Variants in SMG6 observed in about 807,000 individuals in gnomAD.
The protein encoded by SMG6 is SMG6 nonsense mediated mRNA decay factor.
In SMG6, 66 loss-of-function variants were observed where a neutral mutation model predicts 142.2. That is an observed-to-expected ratio of 0.46 (90% CI 0.38 to 0.57). The LOEUF is 0.57. SMG6 is among the 20% of genes least tolerant of loss of function. The pLI, the probability that SMG6 is intolerant of heterozygous loss-of-function variation, is 0.00. For synonymous variants in SMG6, 779 were observed against 702.4 expected (o/e 1.11, Z -1.72); for missense variants, 1,793 against 1,832.0 (o/e 0.98, Z 0.39).
At position 2,081,940 on chromosome 17, in the gene SMG6, A is replaced by G. The variant is rs1206430781; in HGVS notation, c.3551T>C (p.Ile1184Thr). ...RLEDEEEDVV[I>T]EDFEEDSEAE... Reference sequence around the variant, plus strand: ...CTCTGAATCTTCCTCAAAGTCTTCAATCACCACATCCTCCTCCTTTGGGTG... The same window carrying G: ...CTCTGAATCTTCCTCAAAGTCTTCAGTCACCACATCCTCCTCCTTTGGGTG... The change falls in exon 15 of 19, where the codon ATT (isoleucine) becomes ACT (threonine). Residue 1184 changes from isoleucine to threonine, a missense_variant. Ile to Thr is a moderately conservative substitution (Grantham distance 89). This residue lies in a region of SMG6 where 1,597 missense variants were observed against 1,584.6 expected (regional missense o/e 1.01). Coordinates refer to ENST00000263073, the MANE Select transcript of SMG6 (RefSeq NM_017575.5). 8.1e-6 allele frequency: 13 copies of G among 1,614,044 alleles called. No homozygotes were observed. Among genetic ancestry groups the G allele is most frequent in the African/African-American group, 1.3e-5 (1 of 74,948 alleles).
chr17:2,091,805 G>A (rs1213728921), intron 13 of SMG6, among the ~76,000 whole-genome samples: 1 of 151,368 alleles, frequency 6.6e-6, no homozygotes, highest in Admixed American at 6.6e-5. Context: ...CGAGTAGCTG[G>A]GACTACAGGC....
chr17:2,115,734 G>C (rs2069484892), intron 13 of SMG6, among the ~76,000 whole-genome samples: 1 of 151,934 alleles, frequency 6.6e-6, no homozygotes, highest in South Asian at 2.1e-4. Context: ...TTTTGCGGGG[G>C]AGGTGGGAAG....
rs569935801 is a variant in SMG6 at position 2,177,267 on chromosome 17, G to A, written c.3156-4408C>T. ...TCTGACAGATTAAGGTATGCCAGGT[G>A]AGACACGTCACACCACAATAATCTA... is the stretch of plus-strand genomic sequence containing the variant. On this transcript the variant is annotated intron_variant, in intron 12 of 18. Transcript: ENST00000263073. 3.9e-5 allele frequency among the ~76,000 whole-genome samples: 6 copies of A among 152,280 alleles called. No homozygotes were observed. In the South Asian group the frequency reaches 1.2e-3, roughly 32 times the overall value.
At chr17:2,130,730 C>G (rs759683774) in intron 13 of SMG6, among the ~76,000 whole-genome samples, 1 of 150,538 alleles carries the variant, frequency 6.6e-6, no homozygotes. Context: ...ATATTTTAAC[C>G]TAACAATCAA....
Position 2,162,371 on chromosome 17 carries a change from A to C in SMG6, c.3357+10287T>G, listed in dbSNP as rs1339703704. 2.6e-5 allele frequency among the ~76,000 whole-genome samples: 4 copies of C among 152,016 alleles called. No homozygotes were observed. The East Asian group carries it at 7.7e-4, about 29-fold the overall frequency. ...ACTAAAAATATAAAAAAAATTAGCCAGGCGTGGTGGTGGGCGCCTATAGTC... is the reference window on the plus strand; with the variant it reads ...ACTAAAAATATAAAAAAAATTAGCCCGGCGTGGTGGTGGGCGCCTATAGTC... On this transcript the variant is annotated intron_variant, in intron 13 of 18. Transcript: ENST00000263073.
chr17:2,182,417 T>C (rs1206143061), intron 12 of SMG6, among the ~76,000 whole-genome samples: 1 of 152,082 alleles, frequency 6.6e-6, no homozygotes, highest in Non-Finnish European at 1.5e-5. Context: ...AACTGTCCGA[T>C]GCTGTGAGTG....
intron 8 of SMG6, among the ~76,000 whole-genome samples, 200 bp downstream of exon 8, chr17:2,282,447 G>A (rs2074809206): frequency 6.7e-6 from 1 of 149,382 alleles, no homozygotes; most frequent in Non-Finnish European, 1.5e-5. Context: ...ATTCTGCAGT[G>A]ACACATAGTG....
intron 13 of SMG6, among the ~76,000 whole-genome samples, chr17:2,108,304 C>T (rs755230113): frequency 6.6e-6 from 1 of 152,196 alleles, no homozygotes; most frequent in Admixed American, 6.5e-5. Context: ...ACTATGAAAA[C>T]ACATATTGAA....
chr17:2,156,936 G>C (rs1283958850), intron 13 of SMG6, among the ~76,000 whole-genome samples: 2 of 152,144 alleles, frequency 1.3e-5, no homozygotes, highest in Non-Finnish European at 2.9e-5. Context: ...TACAGGCATG[G>C]TGTCACCGGG....
At chr17:2,121,587 C>CTGTGTGTGTGTGTGTGTGTG (rs71150850) in intron 13 of SMG6, among the ~76,000 whole-genome samples, 26 of 139,870 alleles carry the variant, frequency 1.9e-4, no homozygotes, top group African/African-American at 5.8e-4. Flanking sequence ...ACATGTCTGT[C>CTGTGTGTGTGTGTGTGTGTG]TGTGTGTGTG....
At chr17:2,199,712 C>CCACGG (rs2072453417) in intron 10 of SMG6, 1 of 151,620 alleles carries the variant, frequency 6.6e-6, no homozygotes, top group Non-Finnish European at 1.5e-5. Flanking sequence ...CGAGACCAGC[C>CCACGG]TGTGGGCCAC....
intron 13 of SMG6, among the ~76,000 whole-genome samples, chr17:2,139,143 A>G (rs2070393852): frequency 6.6e-6 from 1 of 152,204 alleles, no homozygotes; most frequent in African/African-American, 2.4e-5. Context: ...GTTAAACCCT[A>G]AAAAAGGGAG....
At chr17:2,277,898 A>T (rs973222334) in intron 8 of SMG6, among the ~76,000 whole-genome samples, 1 of 152,126 alleles carries the variant, frequency 6.6e-6, no homozygotes, top group African/African-American at 2.4e-5. Context: ...TTCTTAAAAA[A>T]TTAGCCAGGC....
intron 12 of SMG6, among the ~76,000 whole-genome samples, chr17:2,174,763 C>T (rs928973619): frequency 2.0e-5 from 3 of 152,076 alleles, no homozygotes; most frequent in African/African-American, 7.2e-5. Context: ...GTTTGGCTGT[C>T]AGAAATGTTT....
Position 2,283,653 on chromosome 17 carries a change from A to G in SMG6, c.2420T>C (p.Met807Thr), listed in dbSNP as rs372239404. Residue 807 changes from methionine (M) to threonine (T), a missense_variant, in exon 7 of 19, where the codon ATG becomes ACG. By Grantham distance (81) the Met-to-Thr change is moderately conservative. Transcript: ENST00000263073. ...CCGCTTGGTCTCTTCAAACAAGCTC[A>G]TGAGACTCTCCTTGGCAGTCAGGAT... ...NPILTAKESL[M>T]SLFEETKRKA... 5.3e-5 allele frequency: 86 copies of G among 1,614,186 alleles called. No homozygotes were observed. Among genetic ancestry groups the G allele is most frequent in the East Asian group, 4.2e-4 (19 of 44,872 alleles).
intron 10 of SMG6, among the ~76,000 whole-genome samples, chr17:2,204,010 C>A (rs2072607864): frequency 6.6e-6 from 1 of 152,062 alleles, no homozygotes; most frequent in Admixed American, 6.6e-5. Flanking sequence ...GTTGCCCAGG[C>A]TGGAGTTGAG....
At chr17:2,137,410 T>C (rs1337664322) in intron 13 of SMG6, among the ~76,000 whole-genome samples, 2 of 151,972 alleles carry the variant, frequency 1.3e-5, no homozygotes, top group African/African-American at 4.8e-5. Context: ...ATGTTTTCGA[T>C]GTGAGCCAAA....
intron 13 of SMG6, among the ~76,000 whole-genome samples, chr17:2,117,177 C>G (rs1452302829): frequency 6.6e-6 from 1 of 151,900 alleles, no homozygotes; most frequent in Admixed American, 6.6e-5. Context: ...TCACTGCAGC[C>G]TTGACCTCCT....
intron 8 of SMG6, chr17:2,280,716 C>T (rs1035318834): frequency 5.2e-6 from 2 of 387,400 alleles, no homozygotes; most frequent in Admixed American, 1.3e-4. Flanking sequence ...AAACAAATTA[C>T]CACGTTGTAG....
Sources: allele counts gnomAD v4.1 joint callset (sites outside exome capture counted in the v4.1 genomes callset), GRCh38; gene constraint gnomAD v4.1.1; regional missense constraint gnomAD v4.1.1; transcripts MANE v1.5; gene names NCBI Gene and HGNC (gene_info 2026-07-23, HGNC 2026-07-21).